Variants in PLEKHN1 observed in about 807,000 individuals in gnomAD.
PLEKHN1 encodes pleckstrin homology domain-containing family N member 1.
In PLEKHN1, 68 loss-of-function variants were observed where a neutral mutation model predicts 72.8. The ratio of observed to expected loss-of-function variants is 0.93; its 90% CI spans 0.77 to 1.14. The LOEUF (loss-of-function observed/expected upper bound fraction) is 1.14. Among genes scored for constraint, PLEKHN1 ranks in the 50% most tolerant of loss-of-function variants. The pLI is 0.00. For synonymous variants in PLEKHN1, 454 were observed against 371.6 expected, an observed-to-expected ratio of 1.22 and a Z score of -2.55; for missense variants, 1,015 against 840.5, an observed-to-expected ratio of 1.21 and a Z score of -2.57.
intron 11 of PLEKHN1, 59 bp from the exon 12 acceptor site, chr1:973,125 CAG>C (rs1308609286): frequency 2.0e-6 from 3 of 1,497,494 alleles, no homozygotes; most frequent in Non-Finnish European, 2.7e-6. Flanking sequence ...CTTGCAGCCT[CAG>C]AGAGTTGCAC....
rs28687571 is a variant in PLEKHN1 at position 971,594 on chromosome 1, G to A, written c.789+190G>A. Reference sequence around the variant, plus strand: ...TGGAGGAGCCCCTGCCCGCCCTGAGGTTCTCACCCTGAGGTTCTTGACCGT... The same window carrying A: ...TGGAGGAGCCCCTGCCCGCCCTGAGATTCTCACCCTGAGGTTCTTGACCGT... On this transcript the variant is annotated intron_variant, in intron 8 of 15. Transcript: ENST00000379410. 13,135 of 627,822 alleles carry A rather than the reference G, an allele frequency of 0.021. 1,182 individuals are homozygous for A. In the African/African-American group the frequency reaches 0.21, roughly 10 times the overall value. 38.9% of individuals were successfully genotyped at this position (627,822 alleles called of 1,614,324 possible).
At chr1:967,887 G>A (rs1490129559) in intron 2 of PLEKHN1, among the ~76,000 whole-genome samples, 1 of 152,178 alleles carries the variant, frequency 6.6e-6, no homozygotes, top group African/African-American at 2.4e-5. Context: ...TGGCCGTAGT[G>A]GTCCTCCCTT....
intron 2 of PLEKHN1, among the ~76,000 whole-genome samples, chr1:967,865 A>G (rs28690976): frequency 0.44 from 66,576 of 151,940 alleles, 17,241 homozygotes; most frequent in East Asian, 0.65. Flanking sequence ...GGGTCCTATG[A>G]GGTGTGGTGG....
At chr1:967,586 C>T (rs1043997835) in intron 2 of PLEKHN1, among the ~76,000 whole-genome samples, 2 of 152,156 alleles carry the variant, frequency 1.3e-5, no homozygotes, top group Non-Finnish European at 1.5e-5. Flanking sequence ...AGGACGCCTG[C>T]CCTGCACTCC....
intron 13 of PLEKHN1, 58 bp from the exon 14 acceptor site, chr1:973,775 T>C (rs973656708): frequency 4.4e-6 from 7 of 1,576,022 alleles, no homozygotes; most frequent in African/African-American, 4.1e-5. Context: ...TGATGGGAGG[T>C]TGAGGTTCTG....
rs760465738 is a variant in PLEKHN1, at chr1:970,872, C to T, written c.485-7C>T. 1.2e-6 allele frequency: 2 copies of T among 1,611,620 alleles called. No individual in the cohort carries two copies. The highest frequency in any genetic ancestry group is 1.7e-5 in the Admixed American group (1 of 59,996). On this transcript the variant is annotated splice_region_variant and splice_polypyrimidine_tract_variant and intron_variant, in intron 5 of 15. Coordinates refer to ENST00000379410, the MANE Select transcript of PLEKHN1 (RefSeq NM_032129.3). The surrounding 1 kb of genome is among the most constrained non-coding windows in gnomAD (Gnocchi z 4.2). Reference sequence around the variant, plus strand: ...GTATGTGTGTGCCCTCTCTGCCCTGCCCGCAGGCCCACTGCCCGCACCCCT... The same window carrying T: ...GTATGTGTGTGCCCTCTCTGCCCTGTCCGCAGGCCCACTGCCCGCACCCCT...
At position 974,455 on chromosome 1, in the gene PLEKHN1, C is replaced by T; in HGVS notation, c.1716C>T (p.Pro572=). The T allele has an allele frequency of 6.2e-7, 1 of 1,612,862 alleles. No homozygotes were observed. Among genetic ancestry groups the T allele is most frequent in the South Asian group, 1.1e-5 (1 of 91,084 alleles). ...CTTCCCTACCAGATGGTCGGTCCCC[C>T]AGGAGGAGCCGGGACCCCGGCTACG... ...PWLPLTDGRS[P]RRSRDPGYDH... The change falls in exon 16 of 16, where the codon CCC becomes CCT. Residue 572 remains proline (P), a synonymous_variant. Coordinates refer to ENST00000379410, the MANE Select transcript of PLEKHN1 (RefSeq NM_032129.3).
chr1:970,190 T>C lies in PLEKHN1; in HGVS notation c.184-87T>C. On this transcript the variant is annotated intron_variant, in intron 2 of 15. Transcript: ENST00000379410. This position sits in a 1 kb window ranked among gnomAD's most constrained non-coding sequence, Gnocchi z 4.2. The stretch of plus-strand genomic sequence containing the variant: ...TGTGTGGCTATGCACAGGCAGACCA[T>C]GCTATAGTCCTGTAGCTGTGTGGAT... The C allele has an allele frequency of 6.9e-7, 1 of 1,439,818 alleles. No individual in the cohort carries two copies. 89.2% of individuals were successfully genotyped at this position (1,439,818 alleles called of 1,614,324 possible). A position where few individuals can be genotyped will look rare whatever the true frequency, so the allele number is the denominator to read the frequency against.
At chr1:967,232 G>T (rs1643049064) in intron 2 of PLEKHN1, among the ~76,000 whole-genome samples, 1 of 152,180 alleles carries the variant, frequency 6.6e-6, no homozygotes, top group African/African-American at 2.4e-5. Context: ...TTGCCGCTGG[G>T]TATGGCCGCC....
At chr1:971,538 G>C in intron 8 of PLEKHN1, 134 bp downstream of exon 8, 1 of 844,064 alleles carries the variant, frequency 1.2e-6, no homozygotes, top group South Asian at 1.6e-5. Flanking sequence ...CCCAGCCCGC[G>C]GTCCTGGTCA....
rs367545274 is a variant in PLEKHN1 at position 970,262 on chromosome 1, C to T, written c.184-15C>T. The T allele has an allele frequency of 5.0e-6, 8 of 1,611,728 alleles. No individual in the cohort carries two copies. Among genetic ancestry groups the T allele is most frequent in the Admixed American group, 1.7e-5 (1 of 59,926 alleles). ...CCCAGGGGAGGCCCCCTCCCCTGAG[C>T]TCTACTCCTCCTAGGACATCCTGGA... On this transcript the variant is annotated splice_polypyrimidine_tract_variant and intron_variant, in intron 2 of 15. Coordinates refer to ENST00000379410, the MANE Select transcript of PLEKHN1 (RefSeq NM_032129.3). This position sits in a 1 kb window ranked among gnomAD's most constrained non-coding sequence, Gnocchi z 4.2.
rs1405091533 is a variant in PLEKHN1, at chr1:971,575, A to G, written c.789+171A>G. 15 of 655,512 alleles carry G rather than the reference A, an allele frequency of 2.3e-5. No individual in the cohort carries two copies. The East Asian group carries it at 4.1e-4, about 18-fold the overall frequency. The allele number at this position is 655,512 out of a possible 1,614,324, so 40.6% of individuals were successfully genotyped here. A position where few individuals can be genotyped will look rare whatever the true frequency, so the allele number is the denominator to read the frequency against. On this transcript the variant is annotated intron_variant, in intron 8 of 15. Coordinates refer to ENST00000379410, the MANE Select transcript of PLEKHN1 (RefSeq NM_032129.3). ...TCTGGTCTCCGCTGTGACATGGAGG[A>G]GCCCCTGCCCGCCCTGAGGTTCTCA...
chr1:973,974 C>T lies in PLEKHN1; in HGVS notation c.1576C>T (p.Leu526=), dbSNP rs199559915. 15 of 1,609,416 alleles carry T rather than the reference C, an allele frequency of 9.3e-6. No homozygotes were observed. Among genetic ancestry groups the T allele is most frequent in the Non-Finnish European group, 1.3e-5 (15 of 1,179,480 alleles). Residue 526 remains leucine (L), a synonymous_variant, in exon 14 of 16, where the codon CTG becomes TTG. Transcript: ENST00000379410. ...GPYLLSKKGA[L]QSRAAQRHRG... is the part of the protein sequence containing the mutation. ...CTACTTGCTCTCCAAGAAGGGAGCCCTGCAGTCCAGAGCCGCTCAGAGACA... is the reference window on the plus strand; with the variant it reads ...CTACTTGCTCTCCAAGAAGGGAGCCTTGCAGTCCAGAGCCGCTCAGAGACA...
Position 970,609 on chromosome 1 carries a change from G to A in PLEKHN1, c.411+8G>A, listed in dbSNP as rs199661068. Reference sequence around the variant, plus strand: ...GAAGGACTCACATTTCAGGTGAGGCGGTGGGCAATGGGGTGGGGCCATGGC... The same window carrying A: ...GAAGGACTCACATTTCAGGTGAGGCAGTGGGCAATGGGGTGGGGCCATGGC... On this transcript the variant is annotated splice_region_variant and intron_variant, in intron 4 of 15. Transcript: ENST00000379410. The surrounding 1 kb of genome is among the most constrained non-coding windows in gnomAD (Gnocchi z 4.2). 245 of 1,611,596 alleles carry A rather than the reference G, an allele frequency of 1.5e-4. No homozygotes were observed. The highest frequency in any genetic ancestry group is 1.3e-3 in the African/African-American group (95 of 75,022).
At position 970,719 on chromosome 1, in the gene PLEKHN1, C is replaced by T. The variant is rs1643271653; in HGVS notation, c.445C>T (p.Pro149Ser). Residue 149 changes from proline (P) to serine (S), a missense_variant, in exon 5 of 16, where the codon CCG becomes TCG. By Grantham distance (74) the Pro-to-Ser change is moderately conservative. Coordinates refer to ENST00000379410, the MANE Select transcript of PLEKHN1 (RefSeq NM_032129.3). This position sits in a 1 kb window ranked among gnomAD's most constrained non-coding sequence, Gnocchi z 4.2. ...LLPLTELSVC[P>S]LEGSREHAFQ... ...ACCGCTGACGGAGCTGAGTGTCTGC[C>T]CGCTCGAGGGGTCCCGAGAGCACGC... 2 of 1,601,654 alleles carry T rather than the reference C, an allele frequency of 1.2e-6. No homozygotes were observed. The highest frequency in any genetic ancestry group is 1.3e-5 in the African/African-American group (1 of 74,782).
intron 10 of PLEKHN1, 151 bp downstream of exon 10, chr1:972,575 G>C (rs955180657): frequency 9.3e-7 from 1 of 1,077,328 alleles, no homozygotes; most frequent in Non-Finnish European, 1.3e-6. Context: ...AGATCAGCCT[G>C]ACCGACGTGG....
intron 2 of PLEKHN1, among the ~76,000 whole-genome samples, chr1:969,421 G>A (rs940258284): frequency 2.0e-5 from 3 of 151,804 alleles, no homozygotes; most frequent in East Asian, 1.9e-4. Flanking sequence ...GTATGTATAC[G>A]TGTGTGTTGG....
rs1643230220 is a variant in PLEKHN1, at chr1:970,172, C to T, written c.184-105C>T. Reference sequence around the variant, plus strand: ...TGTTCTTCACATATGTGTTGTGTGGCTATGCACAGGCAGACCATGCTATAG... The same window carrying T: ...TGTTCTTCACATATGTGTTGTGTGGTTATGCACAGGCAGACCATGCTATAG... On this transcript the variant is annotated intron_variant, in intron 2 of 15. Transcript: ENST00000379410. The surrounding 1 kb of genome is among the most constrained non-coding windows in gnomAD (Gnocchi z 4.2). 1.6e-6 allele frequency: 2 copies of T among 1,271,508 alleles called. No homozygotes were observed. Among genetic ancestry groups the T allele is most frequent in the African/African-American group, 1.5e-5 (1 of 66,516 alleles). 78.8% of individuals were successfully genotyped at this position (1,271,508 alleles called of 1,614,324 possible).
Position 975,782 on chromosome 1 carries a change from C to A in PLEKHN1, c.*1207C>A, listed in dbSNP as rs1570060337. The A allele has an allele frequency of 1.6e-5, 3 of 187,674 alleles. No homozygotes were observed. The Admixed American group carries it at 1.7e-4, about 11-fold the overall frequency. The allele number at this position is 187,674 out of a possible 1,614,324, so 11.6% of individuals were successfully genotyped here. ...AGTCCTGTCCTGCCACTCAGCTCCC[C>A]CTGCACCCCAGAAGAAACGCAGGGT... On this transcript the variant is annotated 3_prime_UTR_variant, in exon 16 of 16. Coordinates refer to ENST00000379410, the MANE Select transcript of PLEKHN1 (RefSeq NM_032129.3).
Sources: allele counts gnomAD v4.1 joint callset (sites outside exome capture counted in the v4.1 genomes callset), GRCh38; gene constraint gnomAD v4.1.1; non-coding constraint Gnocchi (gnomAD v3.1); transcripts MANE v1.5; gene names NCBI Gene and HGNC (gene_info 2026-07-23, HGNC 2026-07-21).